The following SESN1 variants were observed in gnomAD, a reference collection of about 807,000 sequenced individuals.
The protein encoded by SESN1 is sestrin 1.
Under a neutral mutation model 59.3 loss-of-function variants are expected in SESN1, and 30 were observed. The observed-to-expected ratio is 0.51, with a 90% CI of 0.38 to 0.69. SESN1 has a LOEUF of 0.69. SESN1 is among the 30% of genes least tolerant of loss of function. The pLI is 0.00. For missense variants in SESN1, 566 were observed against 673.0 expected, an observed-to-expected ratio of 0.84 and a Z score of 1.76; for synonymous variants, 197 against 219.9, an observed-to-expected ratio of 0.90 and a Z score of 0.92.
intron 1 of SESN1, among the ~76,000 whole-genome samples, chr6:109,012,266 G>A (rs548371623): frequency 6.1e-5 from 9 of 148,586 alleles, no homozygotes; most frequent in Admixed American, 1.3e-4. Flanking sequence ...TTTTTGAGAC[G>A]GAGTCTCGCT....
At chr6:109,089,157 C>T (rs985220855) in intron 1 of SESN1, among the ~76,000 whole-genome samples, 29 of 151,998 alleles carry the variant, frequency 1.9e-4, no homozygotes, top group Non-Finnish European at 3.4e-4. Flanking sequence ...TTTTAGCTGA[C>T]CTATAGCAAT....
intron 1 of SESN1, among the ~76,000 whole-genome samples, chr6:109,021,461 C>CT (rs112563691): frequency 2.3e-3 from 330 of 146,658 alleles, no homozygotes; most frequent in Middle Eastern, 0.011. Flanking sequence ...CCTCATCCTT[C>CT]TTTTTTTTTT....
intron 1 of SESN1, among the ~76,000 whole-genome samples, chr6:109,068,906 G>C (rs1418336832): frequency 6.6e-6 from 1 of 151,974 alleles, no homozygotes; most frequent in Non-Finnish European, 1.5e-5. Context: ...ATTTTTAGTA[G>C]AGATGGGGTT....
In SESN1 at chr6:109,085,128, G is replaced by GA. The variant is rs1230968760; in HGVS notation, c.279+8666dup. Among the ~76,000 whole-genome samples, 1,115 of 120,504 alleles carry GA rather than the reference G, an allele frequency of 9.3e-3. 10 individuals are homozygous for GA. The highest frequency in any genetic ancestry group is 0.026 in the African/African-American group (862 of 33,534). The allele number at this position is 120,504 out of a possible 152,430, so 79.1% of individuals were successfully genotyped here. A position where few individuals can be genotyped will look rare whatever the true frequency, so the allele number is the denominator to read the frequency against. ...TGGCTTATCAGTGTAGCAACCAACA[G>GA]AAAAAAAAAAAAACAAGCATAAAAA... On this transcript the variant is annotated intron_variant, in intron 1 of 9. Coordinates refer to ENST00000436639, the MANE Select transcript of SESN1 (RefSeq NM_014454.3).
At chr6:109,089,710 C>A (rs535422559) in intron 1 of SESN1, among the ~76,000 whole-genome samples, 13 of 152,178 alleles carry the variant, frequency 8.5e-5, no homozygotes, top group Non-Finnish European at 1.6e-4. Context: ...AACTTTAGAG[C>A]CATGCTTAAT....
At chr6:109,051,323 C>T (rs761169189) in intron 1 of SESN1, among the ~76,000 whole-genome samples, 25 of 149,694 alleles carry the variant, frequency 1.7e-4, no homozygotes, top group Admixed American at 3.3e-4. Context: ...AACATTGAAA[C>T]TGAGTCAGAC....
intron 1 of SESN1, among the ~76,000 whole-genome samples, chr6:109,075,516 G>A (rs1230695258): frequency 1.3e-5 from 2 of 152,160 alleles, no homozygotes; most frequent in Non-Finnish European, 2.9e-5. Context: ...AAATGGAAAG[G>A]CCCATGTGGC....
At chr6:109,053,314 T>C (rs1780573766) in intron 1 of SESN1, among the ~76,000 whole-genome samples, 1 of 152,114 alleles carries the variant, frequency 6.6e-6, no homozygotes, top group African/African-American at 2.4e-5. Context: ...CAGTAAATAA[T>C]GAACTGGGAT....
chr6:109,040,975 T>G (rs940100097), intron 1 of SESN1, among the ~76,000 whole-genome samples: 1 of 151,682 alleles, frequency 6.6e-6, no homozygotes, highest in Non-Finnish European at 1.5e-5. Context: ...ATTTTTAAAA[T>G]AACATACCCT....
intron 1 of SESN1, among the ~76,000 whole-genome samples, chr6:109,034,821 G>C (rs1780228757): frequency 6.6e-6 from 1 of 152,182 alleles, no homozygotes; most frequent in African/African-American, 2.4e-5. Context: ...GATGCTGTTG[G>C]AACAACAGAG....
intron 6 of SESN1, chr6:108,993,102 A>T: frequency 2.0e-6 from 1 of 496,052 alleles, no homozygotes; most frequent in Non-Finnish European, 3.5e-6. Context: ...TAAAATGAAA[A>T]CTCATAGTTG....
At position 108,985,136 on chromosome 6, in the gene SESN1, A is replaced by G. The variant is rs1779149185; in HGVS notation, c.*2408T>C. ...TGATATTCACATATATGAATATGCTAATAAAATTTCAGAGTATATTGATAA... is the reference window on the plus strand; with the variant it reads ...TGATATTCACATATATGAATATGCTGATAAAATTTCAGAGTATATTGATAA... On this transcript the variant is annotated 3_prime_UTR_variant, in exon 10 of 10. Coordinates refer to ENST00000436639, the MANE Select transcript of SESN1 (RefSeq NM_014454.3). 6.6e-6 allele frequency among the ~76,000 whole-genome samples: 1 copy of G among 152,056 alleles called. No homozygotes were observed. Among genetic ancestry groups the G allele is most frequent in the Non-Finnish European group, 1.5e-5 (1 of 68,024 alleles).
intron 1 of SESN1, among the ~76,000 whole-genome samples, chr6:109,012,197 G>C (rs1480528567): frequency 1.3e-5 from 2 of 151,768 alleles, no homozygotes; most frequent in Admixed American, 6.6e-5. Context: ...GTACAGGCCA[G>C]AGCTACCTTA....
At chr6:109,074,907 A>G (rs865900149) in intron 1 of SESN1, among the ~76,000 whole-genome samples, 3 of 152,356 alleles carry the variant, frequency 2.0e-5, no homozygotes, top group Middle Eastern at 3.4e-3. Flanking sequence ...CTAAAGTTGC[A>G]TAGGAATAAT....
At chr6:109,083,231 G>A (rs2114477281) in intron 1 of SESN1, among the ~76,000 whole-genome samples, 1 of 152,214 alleles carries the variant, frequency 6.6e-6, no homozygotes, top group South Asian at 2.1e-4. Context: ...TGGCCAGTAA[G>A]AAAATTCAAC....
intron 1 of SESN1, among the ~76,000 whole-genome samples, chr6:109,052,491 G>A (rs1393104123): frequency 1.3e-5 from 2 of 152,102 alleles, no homozygotes; most frequent in African/African-American, 4.8e-5. Context: ...TTTTTAGACA[G>A]CTGAGATCAA....
intron 1 of SESN1, among the ~76,000 whole-genome samples, chr6:109,084,118 C>T (rs937074882): frequency 7.9e-5 from 12 of 152,256 alleles, no homozygotes; most frequent in African/African-American, 2.9e-4. Flanking sequence ...ATTTAAACAA[C>T]TTTCAAGTTA....
In SESN1 at chr6:109,041,003, A is replaced by C. The variant is rs1169610511; in HGVS notation, c.280-38660T>G. Reference sequence around the variant, plus strand: ...CATACCCTCAATTTACAGAGTGTGCATCATTTCAAATTGCAGGCCAGGCAC... The same window carrying C: ...CATACCCTCAATTTACAGAGTGTGCCTCATTTCAAATTGCAGGCCAGGCAC... On this transcript the variant is annotated intron_variant, in intron 1 of 9. Coordinates refer to ENST00000436639, the MANE Select transcript of SESN1 (RefSeq NM_014454.3). 2.6e-5 allele frequency among the ~76,000 whole-genome samples: 4 copies of C among 152,084 alleles called. No homozygotes were observed. In the East Asian group the frequency reaches 7.8e-4, roughly 30 times the overall value.
intron 1 of SESN1, among the ~76,000 whole-genome samples, chr6:109,030,926 C>G: frequency 6.6e-6 from 1 of 152,220 alleles, no homozygotes; most frequent in East Asian, 1.9e-4. Context: ...CCTTTCCTTT[C>G]CACTACTCAA....
Sources: allele counts gnomAD v4.1 joint callset (sites outside exome capture counted in the v4.1 genomes callset), GRCh38; gene constraint gnomAD v4.1.1; transcripts MANE v1.5; gene names NCBI Gene and HGNC (gene_info 2026-07-23, HGNC 2026-07-21).